GAREM1: variants seen among roughly 807,000 people sequenced by gnomAD.
The protein encoded by GAREM1 is GRB2 associated regulator of MAPK1 subtype 1.
GAREM1 carries 26 observed loss-of-function variants against 71.3 expected under a neutral mutation model. The ratio of observed to expected loss-of-function variants is 0.36; its 90% CI spans 0.27 to 0.51. The LOEUF (loss-of-function observed/expected upper bound fraction) is 0.51. Ranked by LOEUF, GAREM1 falls within the 20% of genes least tolerant of loss-of-function variation. GAREM1 has a pLI of 0.95. For missense variants in GAREM1, 1,026 were observed against 1,103.1 expected, an observed-to-expected ratio of 0.93 and a Z score of 0.99; for synonymous variants, 440 against 433.2, an observed-to-expected ratio of 1.02 and a Z score of -0.20.
chr18:32,422,681 C>T (rs1416882312), intron 1 of GAREM1, among the ~76,000 whole-genome samples: 4 of 152,174 alleles, frequency 2.6e-5, no homozygotes, highest in South Asian at 2.1e-4. Flanking sequence ...TTTATTACTA[C>T]ACTATCCAAA....
chr18:32,335,589 A>G (rs181087706), intron 2 of GAREM1, among the ~76,000 whole-genome samples: 5 of 152,348 alleles, frequency 3.3e-5, no homozygotes, highest in Non-Finnish European at 5.9e-5. Flanking sequence ...ACTATGTTCA[A>G]TTACCTCAGG....
intron 4 of GAREM1, among the ~76,000 whole-genome samples, chr18:32,279,419 T>A (rs1053444041): frequency 6.6e-6 from 1 of 152,196 alleles, no homozygotes; most frequent in African/African-American, 2.4e-5. Context: ...TAGATTCTCA[T>A]AGGAGCATGA....
At chr18:32,456,209 A>G (rs542011342) in intron 1 of GAREM1, among the ~76,000 whole-genome samples, 2 of 152,256 alleles carry the variant, frequency 1.3e-5, no homozygotes, top group Non-Finnish European at 2.9e-5. Flanking sequence ...AAGAGAAAAT[A>G]TTTCCATTAT....
chr18:32,300,291 G>C (rs1473265854), intron 3 of GAREM1, among the ~76,000 whole-genome samples: 1 of 152,098 alleles, frequency 6.6e-6, no homozygotes. Flanking sequence ...AACTTAAAAC[G>C]CAAGATTCCT....
At chr18:32,331,488 T>G (rs2047534860) in intron 2 of GAREM1, 1 of 152,212 alleles carries the variant, frequency 6.6e-6, no homozygotes, top group South Asian at 2.1e-4. Context: ...AAGCAAAATA[T>G]TAATCCTGTA....
intron 1 of GAREM1, among the ~76,000 whole-genome samples, chr18:32,463,283 C>T (rs987967401): frequency 5.9e-5 from 9 of 151,680 alleles, no homozygotes; most frequent in Non-Finnish European, 1.3e-4. Flanking sequence ...ATTCAAGATA[C>T]TTGTTTTCCT....
chr18:32,304,696 T>C (rs1477056621), intron 3 of GAREM1, among the ~76,000 whole-genome samples: 1 of 152,166 alleles, frequency 6.6e-6, no homozygotes, highest in Non-Finnish European at 1.5e-5. Context: ...ATGAGGTGGG[T>C]AGTATCACCT....
At chr18:32,347,888 G>A (rs887310773) in intron 2 of GAREM1, among the ~76,000 whole-genome samples, 7 of 152,024 alleles carry the variant, frequency 4.6e-5, no homozygotes, top group Non-Finnish European at 1.0e-4. Context: ...TCCTTTTCTC[G>A]CTGGAAATTC....
intron 1 of GAREM1, among the ~76,000 whole-genome samples, chr18:32,467,795 C>T (rs1253291917): frequency 6.6e-6 from 1 of 152,026 alleles, no homozygotes; most frequent in Non-Finnish European, 1.5e-5. Flanking sequence ...TAAAATGTAC[C>T]TGCAGTACTA....
At chr18:32,445,137 C>G (rs1191030213) in intron 1 of GAREM1, among the ~76,000 whole-genome samples, 18 of 152,064 alleles carry the variant, frequency 1.2e-4, no homozygotes, top group Admixed American at 1.2e-3. Flanking sequence ...CACATCCAAC[C>G]CCTGACCTCA....
intron 2 of GAREM1, among the ~76,000 whole-genome samples, chr18:32,341,734 T>A (rs1222353513): frequency 6.6e-6 from 1 of 152,012 alleles, no homozygotes; most frequent in Non-Finnish European, 1.5e-5. Flanking sequence ...GAGAATGGGG[T>A]GGAGCGGGGA....
In GAREM1 at chr18:32,337,731, A is replaced by G. The variant is rs114830970; in HGVS notation, c.263-27408T>C. Among the ~76,000 whole-genome samples the G allele has an allele frequency of 8.8e-3, 1,342 of 152,270 alleles. 19 individuals are homozygous for G. Among genetic ancestry groups the G allele is most frequent in the African/African-American group, 0.031 (1,275 of 41,526 alleles). ...AGAAGGTGTTTCCAATGGCTATAGG[A>G]TATCTCAGTAAGACCTTGTTTTCTA... On this transcript the variant is annotated intron_variant, in intron 2 of 5. Transcript: ENST00000269209.
chr18:32,375,812 T>A (rs2048025458), intron 2 of GAREM1, among the ~76,000 whole-genome samples: 1 of 152,192 alleles, frequency 6.6e-6, no homozygotes, highest in Non-Finnish European at 1.5e-5. Flanking sequence ...GATTCAGTAC[T>A]GACTTCATAT....
At chr18:32,280,959 G>GA (rs963904400) in intron 4 of GAREM1, among the ~76,000 whole-genome samples, 43 of 152,198 alleles carry the variant, frequency 2.8e-4, no homozygotes, top group African/African-American at 9.4e-4. Context: ...AAGACAGTGG[G>GA]AAAAAACCTC....
chr18:32,358,570 T>G (rs915744535), intron 2 of GAREM1, among the ~76,000 whole-genome samples: 1 of 152,094 alleles, frequency 6.6e-6, no homozygotes, highest in Admixed American at 6.5e-5. Flanking sequence ...CATAATTAAT[T>G]AGAATTAAAA....
chr18:32,310,879 G>A (rs1053117304), intron 2 of GAREM1, among the ~76,000 whole-genome samples: 7 of 152,126 alleles, frequency 4.6e-5, no homozygotes, highest in African/African-American at 1.7e-4. Context: ...CTCATGAGCT[G>A]CTGTAATGTG....
intron 2 of GAREM1, among the ~76,000 whole-genome samples, chr18:32,341,062 T>C (rs145209210): frequency 2.6e-5 from 4 of 152,290 alleles, no homozygotes; most frequent in South Asian, 2.1e-4. Flanking sequence ...ATGTGCCATG[T>C]TGGTGTGCTG....
intron 4 of GAREM1, among the ~76,000 whole-genome samples, chr18:32,279,765 C>T (rs965927893): frequency 6.6e-6 from 1 of 152,044 alleles, no homozygotes; most frequent in Non-Finnish European, 1.5e-5. Context: ...TCCCTGGTGC[C>T]AAAAAGGTTG....
intron 1 of GAREM1, among the ~76,000 whole-genome samples, chr18:32,463,662 C>G (rs1314680509): frequency 6.6e-6 from 1 of 151,292 alleles, no homozygotes; most frequent in Non-Finnish European, 1.5e-5. Context: ...CTCCACCTCC[C>G]GGGTTCAAGC....
Sources: allele counts gnomAD v4.1 joint callset (sites outside exome capture counted in the v4.1 genomes callset), GRCh38; gene constraint gnomAD v4.1.1; transcripts MANE v1.5; gene names NCBI Gene and HGNC (gene_info 2026-07-23, HGNC 2026-07-21).